GALNT2: variants seen among roughly 807,000 people sequenced by gnomAD.
The protein encoded by GALNT2 is polypeptide N-acetylgalactosaminyltransferase 2.
GALNT2 carries 31 observed loss-of-function variants against 81.4 expected under a neutral mutation model. The ratio of observed to expected loss-of-function variants is 0.38; its 90% CI spans 0.29 to 0.51. GALNT2 has a LOEUF of 0.51. Ranked by LOEUF, GALNT2 falls within the 20% of genes least tolerant of loss-of-function variation. The probability of loss-of-function intolerance (pLI) is 0.87; values close to 1 mark genes in which losing one functional copy is unlikely to be tolerated. For missense variants in GALNT2, 629 were observed against 765.7 expected (o/e 0.82, Z 2.11); for synonymous variants, 303 against 287.4 (o/e 1.05, Z -0.55).
At chr1:230,105,675 G>A (rs942048192) in intron 1 of GALNT2, among the ~76,000 whole-genome samples, 3 of 152,328 alleles carry the variant, frequency 2.0e-5, no homozygotes, top group South Asian at 2.1e-4. Context: ...AAGTGAGGGC[G>A]TCTGTCGGTG....
At chr1:230,173,886 T>A (rs1440156892) in intron 1 of GALNT2, among the ~76,000 whole-genome samples, 1 of 152,100 alleles carries the variant, frequency 6.6e-6, no homozygotes, top group Non-Finnish European at 1.5e-5. Flanking sequence ...ACAATCAATC[T>A]GAGTAAGTAG....
At chr1:230,252,458 A>G (rs1210610917) in intron 10 of GALNT2, among the ~76,000 whole-genome samples, 5 of 152,158 alleles carry the variant, frequency 3.3e-5, no homozygotes, top group African/African-American at 1.2e-4. Context: ...GTGTTTCTCT[A>G]CATCCCTGTC....
intron 10 of GALNT2, 32 bp downstream of exon 10, chr1:230,250,592 A>C (rs772145928): frequency 1.3e-6 from 2 of 1,546,124 alleles, no homozygotes; most frequent in South Asian, 2.4e-5. Context: ...CAGGACAGAG[A>C]AGTGCCTCAG....
intron 1 of GALNT2, among the ~76,000 whole-genome samples, chr1:230,103,684 A>G (rs551861555): frequency 6.6e-6 from 1 of 152,104 alleles, no homozygotes; most frequent in African/African-American, 2.4e-5. Flanking sequence ...AAAACAGAAA[A>G]TGAAAGAACC....
chr1:230,080,798 A>G (rs1015978153), intron 1 of GALNT2, among the ~76,000 whole-genome samples: 1 of 152,212 alleles, frequency 6.6e-6, no homozygotes, highest in African/African-American at 2.4e-5. Flanking sequence ...TTCACCTATC[A>G]TCAGGTTGTT....
chr1:230,181,941 C>T (rs650253), intron 2 of GALNT2, among the ~76,000 whole-genome samples: 61,302 of 151,934 alleles, frequency 0.4, 13,136 homozygotes, highest in East Asian at 0.7. Flanking sequence ...TTCAAATTGT[C>T]TATTTCTTCT....
At chr1:230,139,921 G>A (rs571247722) in intron 1 of GALNT2, among the ~76,000 whole-genome samples, 1 of 152,336 alleles carries the variant, frequency 6.6e-6, no homozygotes, top group Non-Finnish European at 1.5e-5. Flanking sequence ...GGTCATTCAG[G>A]TTGTACATCC....
intron 11 of GALNT2, chr1:230,259,431 C>A (rs990886837): frequency 6.6e-6 from 1 of 152,180 alleles, no homozygotes; most frequent in African/African-American, 2.4e-5. Context: ...TCACTGTGAC[C>A]GCCCACTGGA....
chr1:230,179,323 T>C (rs1486821969), intron 2 of GALNT2, among the ~76,000 whole-genome samples: 1 of 152,172 alleles, frequency 6.6e-6, no homozygotes, highest in Admixed American at 6.5e-5. Flanking sequence ...TACCAAAGGG[T>C]ATGATTGCTG....
At chr1:230,129,668 CT>C (rs372342424) in intron 1 of GALNT2, among the ~76,000 whole-genome samples, 7 of 152,126 alleles carry the variant, frequency 4.6e-5, no homozygotes, top group Non-Finnish European at 8.8e-5. Flanking sequence ...AGGGTCCTTA[CT>C]TTTTTTCCCC....
chr1:230,234,218 C>A (rs996590490), intron 3 of GALNT2, among the ~76,000 whole-genome samples: 8 of 152,038 alleles, frequency 5.3e-5, no homozygotes, highest in Non-Finnish European at 1.0e-4. Context: ...GATGAACTTC[C>A]CTCAGTCAGA....
At position 230,271,898 on chromosome 1, in the gene GALNT2, G is replaced by A. The variant is rs148517426; in HGVS notation, c.1441-2547G>A. On this transcript the variant is annotated intron_variant, in intron 14 of 15. Coordinates refer to ENST00000366672, the MANE Select transcript of GALNT2 (RefSeq NM_004481.5). This position sits in a 1 kb window ranked among gnomAD's most constrained non-coding sequence, Gnocchi z 4.2. ...TTCCCTTCCCAGAGGATGGGGTGGC[G>A]GGGGACTGACGGTTTCAAGCTTCTC... Among the ~76,000 whole-genome samples the A allele has an allele frequency of 6.2e-4, 94 of 152,304 alleles. No homozygotes were observed. The highest frequency in any genetic ancestry group is 9.1e-4 in the Non-Finnish European group (62 of 68,016).
rs775483437 is a variant in GALNT2, at chr1:230,265,280, G to A, written c.1353G>A (p.Gln451=). ...DHQDIAFGAL[Q]QGTNCLDTLG... ...AGGATATAGCTTTTGGGGCCTTGCA[G>A]CAGGGAACTAACTGCCTCGACACTT... is the stretch of plus-strand genomic sequence containing the variant. The change falls in exon 14 of 16, where the codon CAG becomes CAA. Residue 451 remains glutamine, a synonymous_variant. Coordinates refer to ENST00000366672, the MANE Select transcript of GALNT2 (RefSeq NM_004481.5). 3.1e-6 allele frequency: 5 copies of A among 1,614,248 alleles called. No homozygotes were observed. Among genetic ancestry groups the A allele is most frequent in the Non-Finnish European group, 4.2e-6 (5 of 1,180,048 alleles).
chr1:230,155,693 A>G (rs1302779765), intron 1 of GALNT2, among the ~76,000 whole-genome samples: 1 of 152,104 alleles, frequency 6.6e-6, no homozygotes, highest in Non-Finnish European at 1.5e-5. Flanking sequence ...AGTGATTATA[A>G]CCCCAAAACT....
chr1:230,112,791 G>T (rs565155326), intron 1 of GALNT2, among the ~76,000 whole-genome samples: 4 of 143,230 alleles, frequency 2.8e-5, no homozygotes, highest in East Asian at 4.1e-4. Context: ...AGTGTGTGTG[G>T]CAGGGGGGTG....
At chr1:230,081,046 G>T (rs1378616006) in intron 1 of GALNT2, among the ~76,000 whole-genome samples, 3 of 152,168 alleles carry the variant, frequency 2.0e-5, no homozygotes, top group Non-Finnish European at 4.4e-5. Flanking sequence ...AGCCTCCTCT[G>T]CCAGGTTTGA....
intron 1 of GALNT2, among the ~76,000 whole-genome samples, chr1:230,159,490 C>G (rs188844071): frequency 6.6e-6 from 1 of 152,308 alleles, no homozygotes; most frequent in East Asian, 1.9e-4. Flanking sequence ...AGGCTTAAAA[C>G]TAAAGTCCGG....
At chr1:230,274,345 C>T (rs1050763928) in intron 14 of GALNT2, 100 bp from the exon 15 acceptor site, 63 of 1,483,466 alleles carry the variant, frequency 4.2e-5, no homozygotes, top group Non-Finnish European at 5.5e-5. Flanking sequence ...CTAAGCTCCA[C>T]CCCGTGACCC....
intron 3 of GALNT2, among the ~76,000 whole-genome samples, chr1:230,208,292 G>A (rs376865265): frequency 6.6e-6 from 1 of 152,186 alleles, no homozygotes; most frequent in Non-Finnish European, 1.5e-5. Context: ...GGGGCCAACA[G>A]GATGTGCTAA....
Sources: gnomAD v4.1 joint callset for allele counts (sites outside exome capture counted in the v4.1 genomes callset) on GRCh38, gnomAD v4.1.1 for gene constraint, Gnocchi (gnomAD v3.1) non-coding constraint, MANE v1.5 for transcripts, NCBI Gene and HGNC (gene_info 2026-07-23, HGNC 2026-07-21) for gene names.